The following NDRG3 variants were observed in gnomAD, a reference collection of about 807,000 sequenced individuals.
NDRG3 encodes the protein protein NDRG3.
In NDRG3, 23 loss-of-function variants were observed where a neutral mutation model predicts 57.2. That is an observed-to-expected ratio of 0.40 (90% CI 0.29 to 0.57). NDRG3 has a LOEUF of 0.57. Ranked by LOEUF, NDRG3 falls within the 20% of genes least tolerant of loss-of-function variation. The probability of loss-of-function intolerance (pLI) is 0.42; values close to 1 mark genes in which losing one functional copy is unlikely to be tolerated. For missense variants in NDRG3, 384 were observed against 457.3 expected, an observed-to-expected ratio of 0.84 and a Z score of 1.46; for synonymous variants, 132 against 162.6, an observed-to-expected ratio of 0.81 and a Z score of 1.43.
intron 2 of NDRG3, among the ~76,000 whole-genome samples, chr20:36,713,560 A>G (rs1209147771): frequency 1.1e-4 from 16 of 152,230 alleles, no homozygotes. Context: ...GACAGAAGCA[A>G]CAGACATAAT....
intron 9 of NDRG3, among the ~76,000 whole-genome samples, chr20:36,669,754 C>T (rs1979982845): frequency 6.6e-6 from 1 of 152,026 alleles, no homozygotes; most frequent in South Asian, 2.1e-4. Context: ...TACACCACCA[C>T]ATCCCGCTAA....
chr20:36,708,661 A>AAAAAAG lies in NDRG3; in HGVS notation c.58-1660_58-1655dup, dbSNP rs1555803975. 3.1e-3 allele frequency among the ~76,000 whole-genome samples: 468 copies of AAAAAAG among 151,700 alleles called. 5 individuals are homozygous for AAAAAAG. The highest frequency in any genetic ancestry group is 0.011 in the African/African-American group (454 of 41,294). Reference sequence around the variant, plus strand: ...AGACTCCGTCTCAAAAAAAAAAAAAAAAAAAGAAAAAGAAAAAAAGAAATA... The same window carrying AAAAAAG: ...AGACTCCGTCTCAAAAAAAAAAAAAAAAAAAGAAAAAGAAAAAGAAAAAAAGAAATA... On this transcript the variant is annotated intron_variant, in intron 2 of 15. Transcript: ENST00000349004.
intron 7 of NDRG3, among the ~76,000 whole-genome samples, chr20:36,681,310 C>CCTATCA: frequency 6.6e-6 from 1 of 152,054 alleles, no homozygotes; most frequent in South Asian, 2.1e-4. Context: ...AGAAGACTCT[C>CCTATCA]CTATCACTGA....
chr20:36,660,554 T>G (rs968431149), intron 12 of NDRG3, among the ~76,000 whole-genome samples, 170 bp from the exon 13 acceptor site: 2 of 150,868 alleles, frequency 1.3e-5, no homozygotes, highest in South Asian at 4.1e-4. Context: ...ATTTATTTAT[T>G]TATTTATTTA....
chr20:36,677,447 C>T (rs1356716946), intron 8 of NDRG3, among the ~76,000 whole-genome samples: 1 of 152,192 alleles, frequency 6.6e-6, no homozygotes, highest in Non-Finnish European at 1.5e-5. Flanking sequence ...TCAGCATGCA[C>T]TTCCTCCCTT....
At chr20:36,716,287 C>T (rs1984270768) in intron 2 of NDRG3, among the ~76,000 whole-genome samples, 1 of 152,158 alleles carries the variant, frequency 6.6e-6, no homozygotes, top group South Asian at 2.1e-4. Flanking sequence ...AATCCCAGCA[C>T]TTTGGGAGGC....
In NDRG3 at chr20:36,688,695, A is replaced by G. The variant is rs1441957236; in HGVS notation, c.183T>C (p.His61=). 1.2e-6 allele frequency: 2 copies of G among 1,612,208 alleles called. No individual in the cohort carries two copies. Among genetic ancestry groups the G allele is most frequent in the Non-Finnish European group, 1.7e-6 (2 of 1,178,320 alleles). The change falls in exon 4 of 16, where the codon CAT becomes CAC. Residue 61 remains histidine, a synonymous_variant. Coordinates refer to ENST00000349004, the MANE Select transcript of NDRG3 (RefSeq NM_032013.4). The part of the protein sequence containing the change: ...KGNRPVILTY[H]DIGLNHKSCF... ...AATACATACGGTTGAGGCCAATGTC[A>G]TGATATGTTAGTATAACTGGTCTGT...
chr20:36,690,012 G>A (rs973979255), intron 3 of NDRG3, among the ~76,000 whole-genome samples: 2 of 152,122 alleles, frequency 1.3e-5, no homozygotes, highest in Admixed American at 6.6e-5. Context: ...GAGCCACCGC[G>A]CCCAGCCTGT....
At chr20:36,712,755 C>A (rs898047146) in intron 2 of NDRG3, among the ~76,000 whole-genome samples, 1 of 151,188 alleles carries the variant, frequency 6.6e-6, no homozygotes, top group Non-Finnish European at 1.5e-5. Flanking sequence ...GCCACCATAA[C>A]TGGCTCATTT....
At chr20:36,732,247 G>A (rs1985330490) in intron 1 of NDRG3, among the ~76,000 whole-genome samples, 1 of 152,228 alleles carries the variant, frequency 6.6e-6, no homozygotes, top group African/African-American at 2.4e-5. Flanking sequence ...AACAAGATCA[G>A]TGACTTTCAA....
At chr20:36,662,076 T>C (rs532053592) in intron 12 of NDRG3, among the ~76,000 whole-genome samples, 20 of 152,300 alleles carry the variant, frequency 1.3e-4, no homozygotes, top group Non-Finnish European at 2.5e-4. Flanking sequence ...ACATAGTAGA[T>C]AGACTATAAA....
At chr20:36,655,711 G>C (rs1600846461) in intron 15 of NDRG3, among the ~76,000 whole-genome samples, 1 of 152,174 alleles carries the variant, frequency 6.6e-6, no homozygotes, top group African/African-American at 2.4e-5. Context: ...TGTGGGCTCT[G>C]GAGTCAGACT....
intron 5 of NDRG3, among the ~76,000 whole-genome samples, chr20:36,684,964 T>C (rs564717157): frequency 6.6e-6 from 1 of 152,270 alleles, no homozygotes; most frequent in South Asian, 2.1e-4. Context: ...ACAACTGCCA[T>C]GCTAAGGAGA....
chr20:36,736,917 AG>A (rs1212650828), intron 1 of NDRG3, among the ~76,000 whole-genome samples: 2 of 152,132 alleles, frequency 1.3e-5, no homozygotes, highest in Non-Finnish European at 2.9e-5. Flanking sequence ...TCACTGTAAC[AG>A]GAAGTACCCC....
intron 3 of NDRG3, among the ~76,000 whole-genome samples, chr20:36,698,208 C>G (rs528590981): frequency 1.3e-5 from 2 of 151,956 alleles, no homozygotes; most frequent in Non-Finnish European, 2.9e-5. Context: ...CTCAGGTGAC[C>G]TGGCTGCCTT....
intron 1 of NDRG3, among the ~76,000 whole-genome samples, chr20:36,745,177 T>C (rs1490743966): frequency 6.6e-6 from 1 of 151,950 alleles, no homozygotes; most frequent in East Asian, 1.9e-4. Flanking sequence ...AGTGCAGAGG[T>C]GGTTATGCGA....
intron 1 of NDRG3, among the ~76,000 whole-genome samples, chr20:36,733,724 C>T (rs1985465854): frequency 6.6e-6 from 1 of 151,352 alleles, no homozygotes; most frequent in African/African-American, 2.4e-5. Context: ...AAATAAAAAA[C>T]ACACAGAATG....
At chr20:36,667,161 T>C (rs1979702411) in intron 9 of NDRG3, among the ~76,000 whole-genome samples, 1 of 152,246 alleles carries the variant, frequency 6.6e-6, no homozygotes, top group African/African-American at 2.4e-5. Context: ...AATCAGCATA[T>C]TACCTATCTA....
chr20:36,674,112 C>CAAAAAA (rs1340565222), intron 8 of NDRG3, among the ~76,000 whole-genome samples: 1 of 151,854 alleles, frequency 6.6e-6, no homozygotes, highest in Non-Finnish European at 1.5e-5. Flanking sequence ...GTCTCAAAAA[C>CAAAAAA]AAAAAAACAT....
Sources: gnomAD v4.1 joint callset for allele counts (sites outside exome capture counted in the v4.1 genomes callset) on GRCh38, gnomAD v4.1.1 for gene constraint, MANE v1.5 for transcripts, NCBI Gene and HGNC (gene_info 2026-07-23, HGNC 2026-07-21) for gene names.